Variants in RASGEF1A observed in about 807,000 individuals in gnomAD.
The protein encoded by RASGEF1A is ras-GEF domain-containing family member 1A.
RASGEF1A carries 18 observed loss-of-function variants against 56.4 expected under a neutral mutation model. That is an observed-to-expected ratio of 0.32 (90% confidence interval 0.22 to 0.47). The LOEUF (loss-of-function observed/expected upper bound fraction) is 0.47, where lower values mean the gene tolerates loss of function less well. Among genes scored for constraint, RASGEF1A ranks in the 20% least tolerant of loss-of-function variants. The probability of loss-of-function intolerance (pLI) is 1.00; values close to 1 mark genes in which losing one functional copy is unlikely to be tolerated. For synonymous variants in RASGEF1A, 245 were observed against 242.6 expected, an observed-to-expected ratio of 1.01 and a Z score of -0.09; for missense variants, 422 against 627.1, an observed-to-expected ratio of 0.67 and a Z score of 3.49.
rs142660652 is a variant in RASGEF1A, at chr10:43,254,860, A to G, written c.-7+11985T>C. ...GGAGACAGTCCCTTTATGGCACACA[A>G]GCAATGACACCAGTGACTCCATTGG... On this transcript the variant is annotated intron_variant, in intron 1 of 12. Transcript: ENST00000395810. 5.7e-4 allele frequency among the ~76,000 whole-genome samples: 87 copies of G among 152,254 alleles called. 1 individual carries two copies. The East Asian group carries it at 0.017, about 29-fold the overall frequency.
chr10:43,210,195 G>A (rs976721879), intron 1 of RASGEF1A, among the ~76,000 whole-genome samples: 8 of 152,252 alleles, frequency 5.3e-5, no homozygotes, highest in Non-Finnish European at 8.8e-5. Flanking sequence ...GCAGGGGCCT[G>A]GTACGGAGGC....
chr10:43,219,794 A>C (rs1377062228), intron 1 of RASGEF1A, among the ~76,000 whole-genome samples: 1 of 152,238 alleles, frequency 6.6e-6, no homozygotes, highest in African/African-American at 2.4e-5. Context: ...AATAAAAGAC[A>C]TATGGTTCTT....
At position 43,196,837 on chromosome 10, in the gene RASGEF1A, C is replaced by T. The variant is rs940359976; in HGVS notation, c.1348+139G>A. 4 of 1,054,960 alleles carry T rather than the reference C, an allele frequency of 3.8e-6. No individual in the cohort carries two copies. Among genetic ancestry groups the T allele is most frequent in the South Asian group, 1.6e-5 (1 of 63,612 alleles). The allele number at this position is 1,054,960 out of a possible 1,614,324, so 65.3% of individuals were successfully genotyped here. On this transcript the variant is annotated intron_variant, in intron 11 of 12. Transcript: ENST00000395810. The surrounding 1 kb of genome is among the most constrained non-coding windows in gnomAD (Gnocchi z 4.6). ...CCCATGACCCACCCTCATGCACACTCGCCCCTGCGAGCAGAGCCAGCCCTG... is the reference window on the plus strand; with the variant it reads ...CCCATGACCCACCCTCATGCACACTTGCCCCTGCGAGCAGAGCCAGCCCTG...
At chr10:43,246,555 A>T (rs1338957051) in intron 1 of RASGEF1A, among the ~76,000 whole-genome samples, 1 of 152,234 alleles carries the variant, frequency 6.6e-6, no homozygotes, top group Non-Finnish European at 1.5e-5. Flanking sequence ...ACTGTGTGGT[A>T]ATGGCATAAA....
At chr10:43,254,531 C>T (rs1840665914) in intron 1 of RASGEF1A, among the ~76,000 whole-genome samples, 1 of 152,240 alleles carries the variant, frequency 6.6e-6, no homozygotes, top group African/African-American at 2.4e-5. Flanking sequence ...AACCCCCGCC[C>T]CCGGACCTGG....
At chr10:43,206,286 G>A (rs1380154374) in intron 1 of RASGEF1A, among the ~76,000 whole-genome samples, 164 bp from the exon 2 acceptor site, 1 of 152,188 alleles carries the variant, frequency 6.6e-6, no homozygotes, top group Non-Finnish European at 1.5e-5. Flanking sequence ...GGGCAGGCGG[G>A]CTCCTTGGTG....
intron 1 of RASGEF1A, among the ~76,000 whole-genome samples, chr10:43,257,137 G>C (rs1048198450): frequency 6.6e-6 from 1 of 152,316 alleles, no homozygotes; most frequent in Non-Finnish European, 1.5e-5. Context: ...TCTCTCAGGT[G>C]GGGGTGAGGG....
At chr10:43,256,845 T>C (rs4987092) in intron 1 of RASGEF1A, among the ~76,000 whole-genome samples, 25,239 of 152,186 alleles carry the variant, frequency 0.17, 2,195 homozygotes, top group Admixed American at 0.2. Context: ...CAGGAGTCCA[T>C]CTTGGGGCCC....
chr10:43,207,742 C>G (rs1004297150), intron 1 of RASGEF1A: 39 of 979,802 alleles, frequency 4.0e-5, no homozygotes, highest in Non-Finnish European at 4.6e-5. Context: ...AGGCCTAGCC[C>G]CAGACCTGCT....
At chr10:43,260,770 C>T (rs900288736) in intron 1 of RASGEF1A, among the ~76,000 whole-genome samples, 3 of 152,216 alleles carry the variant, frequency 2.0e-5, no homozygotes, top group Admixed American at 6.5e-5. Flanking sequence ...TAGCCCTCGA[C>T]GGCCGTGATC....
intron 1 of RASGEF1A, among the ~76,000 whole-genome samples, chr10:43,216,460 T>G (rs1840138542): frequency 6.6e-6 from 1 of 152,156 alleles, no homozygotes; most frequent in Non-Finnish European, 1.5e-5. Context: ...TCAGGCGCAA[T>G]TTGTAAGTGA....
chr10:43,208,012 G>A (rs562817111), intron 1 of RASGEF1A: 46 of 976,246 alleles, frequency 4.7e-5, no homozygotes, highest in African/African-American at 1.2e-4. Flanking sequence ...GTATCCTATC[G>A]CTGGCCCAGG....
intron 1 of RASGEF1A, among the ~76,000 whole-genome samples, chr10:43,266,513 A>ACGCC (rs1836626897): frequency 6.7e-6 from 1 of 150,064 alleles, no homozygotes; most frequent in Non-Finnish European, 1.5e-5. Flanking sequence ...CGCAGTGCCC[A>ACGCC]CGCCCGCCCG....
intron 1 of RASGEF1A, chr10:43,208,210 C>T (rs1840022272): frequency 4.1e-6 from 4 of 985,454 alleles, no homozygotes; most frequent in Non-Finnish European, 4.8e-6. Context: ...AGTTGGGCCT[C>T]CTCACCCCAA....
At position 43,198,108 on chromosome 10, in the gene RASGEF1A, G is replaced by T; in HGVS notation, c.1120C>A (p.Arg374Ser). 1 of 1,614,158 alleles carries T rather than the reference G, an allele frequency of 6.2e-7. No individual in the cohort carries two copies. The highest frequency in any genetic ancestry group is 8.5e-7 in the Non-Finnish European group (1 of 1,179,982). ...TQRSQMANSS[R>S]EKIVIPVFNL... Reference sequence around the variant, plus strand: ...AACACAGGGATGACGATCTTTTCACGGCTGCTGTTGGCCATCTGGGACCTC... The same window carrying T: ...AACACAGGGATGACGATCTTTTCACTGCTGCTGTTGGCCATCTGGGACCTC... The change falls in exon 10 of 13, where the codon CGT becomes AGT. Residue 374 changes from arginine to serine, a missense_variant. Physicochemically the swap from Arg to Ser is moderately radical, Grantham distance 110. This residue lies in a region of RASGEF1A where 149 missense variants were observed against 287.2 expected (regional missense o/e 0.52). Coordinates refer to ENST00000395810, the MANE Select transcript of RASGEF1A (RefSeq NM_145313.4).
chr10:43,217,235 G>A (rs950378647), intron 1 of RASGEF1A, among the ~76,000 whole-genome samples: 1 of 152,206 alleles, frequency 6.6e-6, no homozygotes, highest in South Asian at 2.1e-4. Context: ...GGGGCTGGGG[G>A]ACCTGTATGG....
chr10:43,208,059 A>C (rs1840020741), intron 1 of RASGEF1A: 1 of 985,326 alleles, frequency 1.0e-6, no homozygotes, highest in Non-Finnish European at 1.2e-6. Flanking sequence ...TGAAGTCACG[A>C]AGGCGGGCTC....
intron 4 of RASGEF1A, among the ~76,000 whole-genome samples, chr10:43,201,281 G>T (rs996485467): frequency 6.6e-6 from 1 of 152,192 alleles, no homozygotes; most frequent in Non-Finnish European, 1.5e-5. Context: ...CCCTAGTTGG[G>T]AGCAGCCTGG....
chr10:43,217,004 T>G (rs2133199240), intron 1 of RASGEF1A, among the ~76,000 whole-genome samples: 1 of 152,214 alleles, frequency 6.6e-6, no homozygotes, highest in East Asian at 1.9e-4. Flanking sequence ...AGAGCTGCAT[T>G]CTCAGACCAG....
Sources: gnomAD v4.1 joint callset for allele counts (sites outside exome capture counted in the v4.1 genomes callset) on GRCh38, gnomAD v4.1.1 for gene constraint, gnomAD v4.1.1 regional missense constraint, Gnocchi (gnomAD v3.1) non-coding constraint, MANE v1.5 for transcripts, NCBI Gene and HGNC (gene_info 2026-07-23, HGNC 2026-07-21) for gene names.